The following FARS2 variants were observed in gnomAD, a reference collection of about 807,000 sequenced individuals.
The protein encoded by FARS2 is phenylalanine--tRNA ligase, mitochondrial.
Under a neutral mutation model 46.4 loss-of-function variants are expected in FARS2, and 40 were observed. The observed-to-expected ratio is 0.86, with a 90% CI of 0.67 to 1.12. The LOEUF is 1.12. Among genes scored for constraint, FARS2 ranks in the 50% most tolerant of loss-of-function variants. The probability of loss-of-function intolerance (pLI) is 0.00; values close to 1 mark genes in which losing one functional copy is unlikely to be tolerated. For synonymous variants in FARS2, 234 were observed against 214.9 expected, an observed-to-expected ratio of 1.09 and a Z score of -0.78; for missense variants, 513 against 567.9, an observed-to-expected ratio of 0.90 and a Z score of 0.98.
At chr6:5,505,294 A>C (rs9378958) in intron 4 of FARS2, among the ~76,000 whole-genome samples, 22,855 of 152,132 alleles carry the variant, frequency 0.15, 1,861 homozygotes, top group East Asian at 0.22. Flanking sequence ...CCAGATTGAT[A>C]CTTTAGTTCC....
chr6:5,705,946 G>C (rs983031196), intron 6 of FARS2, among the ~76,000 whole-genome samples: 44 of 152,084 alleles, frequency 2.9e-4, no homozygotes, highest in African/African-American at 1.1e-3. Context: ...CATTATCTTA[G>C]TCCTCTGTGT....
chr6:5,669,717 G>T (rs4959343), intron 6 of FARS2, among the ~76,000 whole-genome samples: 131,997 of 151,776 alleles, frequency 0.87, 58,984 homozygotes, highest in East Asian at 1. Context: ...CCTCCTGATG[G>T]CAAACAGAGG....
chr6:5,353,447 T>G (rs778989717), intron 1 of FARS2, among the ~76,000 whole-genome samples: 3 of 152,178 alleles, frequency 2.0e-5, no homozygotes, highest in Non-Finnish European at 4.4e-5. Flanking sequence ...CATATAGAAG[T>G]CCTATTTTTA....
chr6:5,554,418 T>C (rs1212068612), intron 5 of FARS2, among the ~76,000 whole-genome samples: 1 of 152,158 alleles, frequency 6.6e-6, no homozygotes, highest in Non-Finnish European at 1.5e-5. Flanking sequence ...CTGAGGTCAG[T>C]CATGCCTAGA....
chr6:5,393,072 T>G (rs2432789), intron 2 of FARS2, among the ~76,000 whole-genome samples: 56,460 of 151,538 alleles, frequency 0.37, 12,180 homozygotes, highest in African/African-American at 0.6. Context: ...AGTGGGTTTT[T>G]GATTTATTGC....
intron 6 of FARS2, among the ~76,000 whole-genome samples, chr6:5,748,953 G>A (rs773191861): frequency 7.9e-5 from 12 of 152,234 alleles, no homozygotes; most frequent in African/African-American, 1.4e-4. Flanking sequence ...GGAATCAGGC[G>A]AAGATCAAAT....
In FARS2 at chr6:5,378,202, G is replaced by A. The variant is rs555801137; in HGVS notation, c.612+9020G>A. 6.6e-5 allele frequency among the ~76,000 whole-genome samples: 10 copies of A among 152,194 alleles called. No homozygotes were observed. In the South Asian group the frequency reaches 2.1e-3, roughly 32 times the overall value. On this transcript the variant is annotated intron_variant, in intron 2 of 6. Coordinates refer to ENST00000274680, the MANE Select transcript of FARS2 (RefSeq NM_006567.5). Reference sequence around the variant, plus strand: ...CTCATTCGCCATTTCCTCATGGAGGGATTTTAGGAGCGTAGAAGGATGTTG... The same window carrying A: ...CTCATTCGCCATTTCCTCATGGAGGAATTTTAGGAGCGTAGAAGGATGTTG...
At chr6:5,256,616 C>G (rs974235552), upstream of FARS2, among the ~76,000 whole-genome samples, 1 of 142,798 alleles carries the variant, frequency 7.0e-6, no homozygotes, top group Non-Finnish European at 1.5e-5. Context: ...TATAAAGAAA[C>G]TGCAGAACAG....
intron 4 of FARS2, among the ~76,000 whole-genome samples, chr6:5,499,792 A>G (rs1181663440): frequency 1.3e-5 from 2 of 152,174 alleles, no homozygotes; most frequent in Non-Finnish European, 2.9e-5. Context: ...CTTTGATGAG[A>G]TCATAAGTCG....
chr6:5,362,639 A>G (rs527412265), intron 1 of FARS2, among the ~76,000 whole-genome samples: 4 of 152,066 alleles, frequency 2.6e-5, no homozygotes, highest in African/African-American at 9.7e-5. Flanking sequence ...CTATTTTTAA[A>G]TTTTTTTGAA....
intron 1 of FARS2, among the ~76,000 whole-genome samples, chr6:5,282,894 A>T (rs545544401): frequency 6.6e-6 from 1 of 152,194 alleles, no homozygotes; most frequent in Non-Finnish European, 1.5e-5. Context: ...AACAGCAGGG[A>T]TAAAGGAGAG....
At chr6:5,437,552 T>C (rs1319316987) in intron 4 of FARS2, among the ~76,000 whole-genome samples, 1 of 152,174 alleles carries the variant, frequency 6.6e-6, no homozygotes, top group Non-Finnish European at 1.5e-5. Context: ...ATTTTCATAG[T>C]AGTTATGTTT....
chr6:5,697,601 CATT>C (rs1296375151), intron 6 of FARS2, among the ~76,000 whole-genome samples: 2 of 152,218 alleles, frequency 1.3e-5, no homozygotes, highest in Non-Finnish European at 2.9e-5. Context: ...GGACATTCCT[CATT>C]ATTGACTTGA....
At chr6:5,721,595 T>C (rs1161471949) in intron 6 of FARS2, among the ~76,000 whole-genome samples, 1 of 152,206 alleles carries the variant, frequency 6.6e-6, no homozygotes, top group Non-Finnish European at 1.5e-5. Flanking sequence ...TGTAACTCTT[T>C]TAAGCGTCGA....
chr6:5,260,786 A>G, upstream of FARS2: 1 of 1,534,688 alleles, frequency 6.5e-7, no homozygotes, highest in Non-Finnish European at 8.7e-7. Flanking sequence ...CCCAAGTACG[A>G]CCCAACCCAC....
At chr6:5,373,642 A>G (rs1213357811) in intron 2 of FARS2, among the ~76,000 whole-genome samples, 3 of 152,130 alleles carry the variant, frequency 2.0e-5, no homozygotes, top group Non-Finnish European at 4.4e-5. Flanking sequence ...TCTTTTGTTG[A>G]ACAGTGTGTG....
At position 5,630,292 on chromosome 6, in the gene FARS2, C is replaced by A. The variant is rs546560370; in HGVS notation, c.1217+16972C>A. Among the ~76,000 whole-genome samples, 81 of 152,268 alleles carry A rather than the reference C, an allele frequency of 5.3e-4. No homozygotes were observed. The highest frequency in any genetic ancestry group is 1.9e-3 in the African/African-American group (81 of 41,542). On this transcript the variant is annotated intron_variant, in intron 6 of 6. Transcript: ENST00000274680. This position sits in a 1 kb window ranked among gnomAD's most constrained non-coding sequence, Gnocchi z 4.2. ...AGCCATTGGAAGGTACAGTCTCTTG[C>A]AGGAGTGAGACTGTAGTGTCATCAG...
At chr6:5,308,998 C>T (rs150286557) in intron 1 of FARS2, among the ~76,000 whole-genome samples, 124 of 152,216 alleles carry the variant, frequency 8.1e-4, no homozygotes, top group African/African-American at 2.6e-3. Context: ...GCTTTGCCCC[C>T]GTGATCTAAC....
At chr6:5,318,838 C>A (rs1581770387) in intron 1 of FARS2, among the ~76,000 whole-genome samples, 1 of 152,106 alleles carries the variant, frequency 6.6e-6, no homozygotes, top group Admixed American at 6.5e-5. Flanking sequence ...GAGGTACTTT[C>A]ATTTCCAACA....
Sources: allele counts gnomAD v4.1 joint callset (sites outside exome capture counted in the v4.1 genomes callset), GRCh38; gene constraint gnomAD v4.1.1; non-coding constraint Gnocchi (gnomAD v3.1); transcripts MANE v1.5; gene names NCBI Gene and HGNC (gene_info 2026-07-23, HGNC 2026-07-21).